Variants in CACNA1D observed in about 807,000 individuals in gnomAD.
CACNA1D encodes the protein voltage-dependent L-type calcium channel subunit alpha-1D.
In CACNA1D, 55 loss-of-function variants were observed where a neutral mutation model predicts 257.1. The observed-to-expected ratio is 0.21, with a 90% CI of 0.17 to 0.27. CACNA1D has a LOEUF of 0.27. CACNA1D is among the 10% of genes least tolerant of loss of function. The pLI, the probability that CACNA1D is intolerant of heterozygous loss-of-function variation, is 1.00. For missense variants in CACNA1D, 1,876 were observed against 2,784.0 expected (o/e 0.67, Z 7.34); for synonymous variants, 980 against 1,014.9 (o/e 0.97, Z 0.65).
chr3:53,534,791 A>G (rs538695815), intron 3 of CACNA1D, among the ~76,000 whole-genome samples: 1 of 152,306 alleles, frequency 6.6e-6, no homozygotes, highest in East Asian at 1.9e-4. Flanking sequence ...TTTAATATCA[A>G]TATGTCTTTT....
chr3:53,703,904 C>CGACGAGGG (rs2094654711), intron 9 of CACNA1D, among the ~76,000 whole-genome samples: 1 of 152,112 alleles, frequency 6.6e-6, no homozygotes, highest in Non-Finnish European at 1.5e-5. Context: ...CAGGCACCGC[C>CGACGAGGG]GACGAGGGAT....
chr3:53,666,506 A>G lies in CACNA1D; in HGVS notation c.1087A>G (p.Met363Val). Residue 363 changes from methionine (M) to valine (V), a missense_variant, in exon 7 of 48, where the codon ATG (methionine) becomes GTG (valine). Around this residue, in one of 10 missense-constraint regions of CACNA1D, gnomAD observed 188 missense variants for 390.4 expected, o/e 0.48. Transcript: ENST00000350061. ...AMLTVFQCIT[M>V]EGWTDVLYWM... is the part of the protein sequence containing the mutation. The stretch of plus-strand genomic sequence containing the variant: ...GCTTACTGTGTTTCAGTGCATCACC[A>G]TGGAGGGCTGGACAGATGTGCTCTA... The G allele has an allele frequency of 6.2e-7, 1 of 1,614,126 alleles. No individual in the cohort carries two copies.
At chr3:53,593,157 T>A (rs1423100342) in intron 3 of CACNA1D, among the ~76,000 whole-genome samples, 1 of 152,164 alleles carries the variant, frequency 6.6e-6, no homozygotes, top group Non-Finnish European at 1.5e-5. Flanking sequence ...AATCAGTAAT[T>A]TGAACCAAAC....
intron 23 of CACNA1D, among the ~76,000 whole-genome samples, chr3:53,745,142 G>C (rs542942908): frequency 6.6e-6 from 1 of 151,962 alleles, no homozygotes; most frequent in Non-Finnish European, 1.5e-5. Context: ...CATGTAGACT[G>C]TATAAAAGGC....
intron 9 of CACNA1D, among the ~76,000 whole-genome samples, chr3:53,705,316 G>A (rs1264894822): frequency 6.6e-6 from 1 of 152,170 alleles, no homozygotes; most frequent in Non-Finnish European, 1.5e-5. Context: ...AACAAGGTGT[G>A]CGAAGTGACA....
intron 3 of CACNA1D, among the ~76,000 whole-genome samples, chr3:53,582,850 G>A (rs2093155170): frequency 6.6e-6 from 1 of 152,126 alleles, no homozygotes; most frequent in African/African-American, 2.4e-5. Context: ...TGGATTCCAG[G>A]TGATTTGGGA....
intron 3 of CACNA1D, among the ~76,000 whole-genome samples, chr3:53,535,567 G>A (rs761583186): frequency 5.9e-5 from 9 of 152,132 alleles, no homozygotes; most frequent in Non-Finnish European, 1.3e-4. Flanking sequence ...TGCATTGGAT[G>A]GATCTTCTTA....
chr3:53,562,020 A>C (rs973472548), intron 3 of CACNA1D, among the ~76,000 whole-genome samples: 1 of 152,232 alleles, frequency 6.6e-6, no homozygotes, highest in Non-Finnish European at 1.5e-5. Flanking sequence ...GCTTCGTGCC[A>C]GATAGTTTTG....
chr3:53,548,490 G>A (rs570226991), intron 3 of CACNA1D, among the ~76,000 whole-genome samples: 3 of 151,558 alleles, frequency 2.0e-5, no homozygotes, highest in Non-Finnish European at 2.9e-5. Flanking sequence ...CCATCATGCC[G>A]GGTCACTGTT....
intron 21 of CACNA1D, among the ~76,000 whole-genome samples, chr3:53,741,698 G>GGTC (rs2095119997): frequency 6.6e-6 from 1 of 152,118 alleles, no homozygotes; most frequent in Admixed American, 6.5e-5. Context: ...CAGTGGTGGG[G>GGTC]GTCGGAGGGA....
At chr3:53,567,986 A>G (rs545940882) in intron 3 of CACNA1D, among the ~76,000 whole-genome samples, 1 of 152,214 alleles carries the variant, frequency 6.6e-6, no homozygotes, top group Admixed American at 6.5e-5. Flanking sequence ...GGGTTAGAAG[A>G]CCTTGCCTCA....
Position 53,723,413 on chromosome 3 carries a change from G to A in CACNA1D, c.1667-21G>A. 3 of 1,589,142 alleles carry A rather than the reference G, an allele frequency of 1.9e-6. No homozygotes were observed. The highest frequency in any genetic ancestry group is 2.6e-6 in the Non-Finnish European group (3 of 1,157,214). On this transcript the variant is annotated intron_variant, in intron 12 of 47. Coordinates refer to ENST00000350061, the MANE Select transcript of CACNA1D (RefSeq NM_001128840.3). The surrounding 1 kb of genome is among the most constrained non-coding windows in gnomAD (Gnocchi z 5.6). ...TGTCTTGCAGGAGACCCTGAGGATG[G>A]GTGCCCCTTTGTCTTTCCAGATATT...
At position 53,673,661 on chromosome 3, in the gene CACNA1D, T is replaced by C; in HGVS notation, c.1220+535T>C. 1 of 1,357,866 alleles carries C rather than the reference T, an allele frequency of 7.4e-7. No homozygotes were observed. Among genetic ancestry groups the C allele is most frequent in the South Asian group, 1.2e-5 (1 of 85,886 alleles). 84.1% of individuals were successfully genotyped at this position (1,357,866 alleles called of 1,614,324 possible). A position where few individuals can be genotyped will look rare whatever the true frequency, so the allele number is the denominator to read the frequency against. On this transcript the variant is annotated intron_variant, in intron 8 of 47. Coordinates refer to ENST00000350061, the MANE Select transcript of CACNA1D (RefSeq NM_001128840.3). The surrounding 1 kb of genome is among the most constrained non-coding windows in gnomAD (Gnocchi z 4.1). Reference sequence around the variant, plus strand: ...GAGGTTTGGCAGCTGCAACTGGGGCTCTGCTCTTTAGTAAATGGATAACTG... The same window carrying C: ...GAGGTTTGGCAGCTGCAACTGGGGCCCTGCTCTTTAGTAAATGGATAACTG...
In CACNA1D at chr3:53,578,924, T is replaced by C. The variant is rs1222203541; in HGVS notation, c.484-71855T>C. 2.0e-5 allele frequency among the ~76,000 whole-genome samples: 3 copies of C among 152,198 alleles called. No individual in the cohort carries two copies. The East Asian group carries it at 5.8e-4, about 29-fold the overall frequency. On this transcript the variant is annotated intron_variant, in intron 3 of 47. Transcript: ENST00000350061. ...GTGCTTTAGAGAAGAGGTTGGGCCA[T>C]AGTTGGGAGGCTGTTTGCATCCTTT...
At chr3:53,680,197 G>A (rs1443029759) in intron 8 of CACNA1D, among the ~76,000 whole-genome samples, 3 of 152,158 alleles carry the variant, frequency 2.0e-5, no homozygotes, top group East Asian at 1.9e-4. Context: ...GTGGAAACGA[G>A]GTAAGTGAAA....
chr3:53,552,413 C>T (rs1211084197), intron 3 of CACNA1D, among the ~76,000 whole-genome samples: 1 of 152,158 alleles, frequency 6.6e-6, no homozygotes, highest in African/African-American at 2.4e-5. Flanking sequence ...CAGAGTCTCG[C>T]TCTGTTGCCC....
At chr3:53,682,660 G>A (rs1389888050) in intron 8 of CACNA1D, among the ~76,000 whole-genome samples, 1 of 152,082 alleles carries the variant, frequency 6.6e-6, no homozygotes, top group Admixed American at 6.5e-5. Context: ...TACTTTTATG[G>A]ATGTTTGAAA....
At chr3:53,711,381 C>G (rs1396935558) in intron 9 of CACNA1D, among the ~76,000 whole-genome samples, 1 of 152,238 alleles carries the variant, frequency 6.6e-6, no homozygotes, top group Non-Finnish European at 1.5e-5. Context: ...TAAACATACC[C>G]TTCCTCAGAA....
At position 53,713,537 on chromosome 3, in the gene CACNA1D, TGTGTGTGA is replaced by T. The variant is rs1447669903; in HGVS notation, c.1391-4762_1391-4755del. 5.8e-3 allele frequency among the ~76,000 whole-genome samples: 805 copies of T among 138,162 alleles called. 3 individuals carry two copies. The highest frequency in any genetic ancestry group is 0.011 in the African/African-American group (344 of 31,178). 90.6% of individuals were successfully genotyped at this position (138,162 alleles called of 152,430 possible). A position where few individuals can be genotyped will look rare whatever the true frequency, so the allele number is the denominator to read the frequency against. ...GTGTGTGTGTGTGTGTGTGTGTGTG[TGTGTGTGA>T]GAGATTTGCCTCCAAATTCACAAGC... On this transcript the variant is annotated intron_variant, in intron 9 of 47. Coordinates refer to ENST00000350061, the MANE Select transcript of CACNA1D (RefSeq NM_001128840.3).
Sources: gnomAD v4.1 joint callset for allele counts (sites outside exome capture counted in the v4.1 genomes callset) on GRCh38, gnomAD v4.1.1 for gene constraint, gnomAD v4.1.1 regional missense constraint, Gnocchi (gnomAD v3.1) non-coding constraint, MANE v1.5 for transcripts, NCBI Gene and HGNC (gene_info 2026-07-23, HGNC 2026-07-21) for gene names.